The following RPS27A variants were observed in gnomAD, a reference collection of about 807,000 sequenced individuals.
The protein encoded by RPS27A is ribosomal protein S27a.
A neutral mutation model predicts 18.9 loss-of-function variants in RPS27A; 1 was observed. The ratio of observed to expected loss-of-function variants is 0.05; its 90% confidence interval spans 0.02 to 0.25. The LOEUF is 0.25. RPS27A is among the 10% of genes least tolerant of loss of function. RPS27A has a pLI of 1.00. For synonymous variants in RPS27A, 77 were observed against 63.7 expected (o/e 1.21, Z -0.99); for missense variants, 123 against 187.4 (o/e 0.66, Z 2.01).
At chr2:55,233,660 T>C (rs1485217862) in intron 3 of RPS27A, 1 of 535,826 alleles carries the variant, frequency 1.9e-6, no homozygotes, top group Non-Finnish European at 3.4e-6. Flanking sequence ...AGATGGAGTC[T>C]CCTCTGTCGC....
Position 55,235,645 on chromosome 2 carries a change from T to C in RPS27A, c.*68T>C. The C allele has an allele frequency of 6.5e-7, 1 of 1,545,992 alleles. No individual in the cohort carries two copies. Among genetic ancestry groups the C allele is most frequent in the Non-Finnish European group, 8.8e-7 (1 of 1,133,178 alleles). ...GGTTTTATTGCAGTAAAAAGAATGG[T>C]TTTTAAGCACCAAATTGATGGTCAC... On this transcript the variant is annotated 3_prime_UTR_variant, in exon 6 of 6. Coordinates refer to ENST00000272317, the MANE Select transcript of RPS27A (RefSeq NM_002954.6).
chr2:55,233,751 C>T (rs1481443343), intron 3 of RPS27A: 1 of 472,198 alleles, frequency 2.1e-6, no homozygotes, highest in African/African-American at 2.0e-5. Context: ...GCTTCAGCCT[C>T]CCTATTAGTG....
chr2:55,232,523 G>C (rs1324395892), upstream of RPS27A: 1 of 501,114 alleles, frequency 2.0e-6, no homozygotes, highest in South Asian at 2.1e-5. Flanking sequence ...GCTAAAGTGA[G>C]AAATAAGCCC....
upstream of RPS27A, chr2:55,232,540 G>A (rs1019728094): frequency 7.4e-6 from 4 of 538,092 alleles, no homozygotes; most frequent in Admixed American, 3.1e-5. Context: ...GCCCAGGCTA[G>A]GGAGAGGAGA....
In RPS27A at chr2:55,232,801, A is replaced by G. The variant is rs761452955; in HGVS notation, c.-17-7A>G. Reference sequence around the variant, plus strand: ...CTAACCTGTCTCTTCCTTTTCCTCAACCTCAGGTGGAGCCGCCACCAAAAT... The same window carrying G: ...CTAACCTGTCTCTTCCTTTTCCTCAGCCTCAGGTGGAGCCGCCACCAAAAT... On this transcript the variant is annotated splice_polypyrimidine_tract_variant and splice_region_variant and intron_variant, in intron 1 of 5. Transcript: ENST00000272317. The G allele has an allele frequency of 1.6e-5, 25 of 1,607,940 alleles. No homozygotes were observed. In the Admixed American group the frequency reaches 1.7e-4, roughly 11 times the overall value.
At chr2:55,233,293 G>A in intron 2 of RPS27A, 70 bp from the exon 3 acceptor site, 2 of 1,318,216 alleles carry the variant, frequency 1.5e-6, no homozygotes, top group Non-Finnish European at 2.2e-6. Context: ...AGTGGTAATT[G>A]TCAAACTAAA....
intron 3 of RPS27A, 109 bp from the exon 4 acceptor site, chr2:55,234,010 A>C: frequency 1.3e-6 from 1 of 791,028 alleles, no homozygotes; most frequent in African/African-American, 1.7e-5. Context: ...GTAAGGGCTT[A>C]TTGTCAGCCT....
chr2:55,233,168 G>A lies in RPS27A; in HGVS notation c.49-195G>A, dbSNP rs370372426. On this transcript the variant is annotated intron_variant, in intron 2 of 5. Transcript: ENST00000272317. ...GAGCACGTGTGGCCCTGCGGCCGCCGCCCGCTCTGGGCTGGGGAGATGAAG... is the reference window on the plus strand; with the variant it reads ...GAGCACGTGTGGCCCTGCGGCCGCCACCCGCTCTGGGCTGGGGAGATGAAG... The A allele has an allele frequency of 2.0e-4, 133 of 660,738 alleles. No individual in the cohort carries two copies. In the East Asian group the frequency reaches 2.4e-3, roughly 12 times the overall value. The allele number at this position is 660,738 out of a possible 1,614,324, so 40.9% of individuals were successfully genotyped here. A position where few individuals can be genotyped will look rare whatever the true frequency, so the allele number is the denominator to read the frequency against.
intron 2 of RPS27A, 34 bp downstream of exon 2, chr2:55,232,906 C>G: frequency 6.4e-7 from 1 of 1,566,816 alleles, no homozygotes; most frequent in East Asian, 2.2e-5. Flanking sequence ...AAGCCAAGGT[C>G]CGAATAAGGT....
In RPS27A at chr2:55,234,744, T is replaced by C. The variant is rs1376433174; in HGVS notation, c.190-87T>C. On this transcript the variant is annotated intron_variant, in intron 4 of 5. Coordinates refer to ENST00000272317, the MANE Select transcript of RPS27A (RefSeq NM_002954.6). Reference sequence around the variant, plus strand: ...TCCCTCAAATGTTATTGTGTGCTGCTACTGCTTTTAATTAGAAAATGCATA... The same window carrying C: ...TCCCTCAAATGTTATTGTGTGCTGCCACTGCTTTTAATTAGAAAATGCATA... 3 of 1,468,970 alleles carry C rather than the reference T, an allele frequency of 2.0e-6. No individual in the cohort carries two copies. The East Asian group carries it at 6.8e-5, about 33-fold the overall frequency. The allele number at this position is 1,468,970 out of a possible 1,614,324, so 91.0% of individuals were successfully genotyped here.
intron 4 of RPS27A, 38 bp downstream of exon 4, chr2:55,234,242 AAT>A (rs1558538844): frequency 1.4e-6 from 2 of 1,464,722 alleles, no homozygotes; most frequent in East Asian, 4.5e-5. Flanking sequence ...TTAAAAAAAA[AAT>A]GTTATTTTGG....
chr2:55,235,805 A>G lies in RPS27A; in HGVS notation c.*228A>G, dbSNP rs1323566350. The G allele has an allele frequency of 3.4e-6, 2 of 582,156 alleles. No individual in the cohort carries two copies. Among genetic ancestry groups the G allele is most frequent in the East Asian group, 2.9e-5 (1 of 34,222 alleles). The allele number at this position is 582,156 out of a possible 1,614,324, so 36.1% of individuals were successfully genotyped here. On this transcript the variant is annotated 3_prime_UTR_variant, in exon 6 of 6. Coordinates refer to ENST00000272317, the MANE Select transcript of RPS27A (RefSeq NM_002954.6). ...TCTTGATATTTTCAATTCTTAGACT[A>G]CCTATACTTTGGCAGAAGTTATATT...
Position 55,232,845 on chromosome 2 carries a change from C to A in RPS27A, c.21C>A (p.Thr7=). 6.2e-7 allele frequency: 1 copy of A among 1,613,230 alleles called. No homozygotes were observed. The highest frequency in any genetic ancestry group is 8.5e-7 in the Non-Finnish European group (1 of 1,179,764). The change falls in exon 2 of 6, where the codon ACC becomes ACA. Residue 7 remains threonine (T), a synonymous_variant. Transcript: ENST00000272317. Reference sequence around the variant, plus strand: ...CCAAAATGCAGATTTTCGTGAAAACCCTTACGGGGAAGACCATCACCCTCG... The same window carrying A: ...CCAAAATGCAGATTTTCGTGAAAACACTTACGGGGAAGACCATCACCCTCG... MQIFVK[T]LTGKTITLEV...
At position 55,234,913 on chromosome 2, in the gene RPS27A, A is replaced by G. The variant is rs775574314; in HGVS notation, c.272A>G (p.Asn91Ser). ...KKKSYTTPKK[N>S]KHKRKKVKLA... is the part of the protein sequence containing the mutation. ...AAGTCTTACACCACTCCCAAGAAGAATAAGCACAAGAGAAAGAAGGTTAAG... is the reference window on the plus strand; with the variant it reads ...AAGTCTTACACCACTCCCAAGAAGAGTAAGCACAAGAGAAAGAAGGTTAAG... The change falls in exon 5 of 6, where the codon AAT becomes AGT. Residue 91 changes from asparagine to serine, a missense_variant. Asn to Ser is a conservative substitution (Grantham distance 46). Transcript: ENST00000272317. 1.2e-6 allele frequency: 2 copies of G among 1,613,504 alleles called. No homozygotes were observed. The highest frequency in any genetic ancestry group is 2.2e-5 in the South Asian group (2 of 91,066).
At chr2:55,233,952 T>TG (rs1384690266) in intron 3 of RPS27A, 167 bp from the exon 4 acceptor site, 5 of 676,624 alleles carry the variant, frequency 7.4e-6, no homozygotes, top group Non-Finnish European at 1.1e-5. Context: ...TAATATTAAA[T>TG]GCGGTAAAAT....
In RPS27A at chr2:55,233,215, G is replaced by C. The variant is rs1675581760; in HGVS notation, c.49-148G>C. The C allele has an allele frequency of 2.0e-5, 15 of 756,912 alleles. 2 individuals carry two copies. In the South Asian group the frequency reaches 2.2e-4, roughly 11 times the overall value. 46.9% of individuals were successfully genotyped at this position (756,912 alleles called of 1,614,324 possible). ...GAAGGTGCTTTCCGGTAGCCGACTT[G>C]GGAGGTTGCCCACTGGGTGGGTAAT... On this transcript the variant is annotated intron_variant, in intron 2 of 5. Coordinates refer to ENST00000272317, the MANE Select transcript of RPS27A (RefSeq NM_002954.6).
At chr2:55,235,331 G>A (rs112432719) in intron 5 of RPS27A, 97 bp from the exon 6 acceptor site, 2 of 1,351,492 alleles carry the variant, frequency 1.5e-6, no homozygotes, top group African/African-American at 2.9e-5. Flanking sequence ...AAAACCACCA[G>A]TATTACACAG....
intron 5 of RPS27A, 88 bp from the exon 6 acceptor site, chr2:55,235,340 A>T: frequency 6.9e-7 from 1 of 1,444,752 alleles, no homozygotes. Context: ...AGTATTACAC[A>T]GTTAAAAGCT....
At chr2:55,232,907 C>T (rs201568039) in intron 2 of RPS27A, 35 bp downstream of exon 2, 132 of 1,561,704 alleles carry the variant, frequency 8.5e-5, no homozygotes, top group Non-Finnish European at 1.1e-4. Flanking sequence ...AGCCAAGGTC[C>T]GAATAAGGTC....
Sources: gnomAD v4.1 joint callset for allele counts on GRCh38, gnomAD v4.1.1 for gene constraint, MANE v1.5 for transcripts, NCBI Gene and HGNC (gene_info 2026-07-23, HGNC 2026-07-21) for gene names.